Variants in ANO5 observed in about 807,000 individuals in gnomAD.
ANO5 encodes the protein anoctamin-5.
In ANO5, 109 loss-of-function variants were observed where a neutral mutation model predicts 121.0. The observed-to-expected ratio is 0.90, with a 90% CI of 0.77 to 1.06. The LOEUF is 1.06. ANO5 is among the 50% of genes least tolerant of loss of function. The pLI is 0.00. For missense variants in ANO5, 1,064 were observed against 1,078.5 expected (o/e 0.99, Z 0.19); for synonymous variants, 406 against 359.9 (o/e 1.13, Z -1.45).
At chr11:22,216,944 C>G (rs1852465548) in intron 3 of ANO5, among the ~76,000 whole-genome samples, 2 of 151,694 alleles carry the variant, frequency 1.3e-5, no homozygotes, top group Non-Finnish European at 2.9e-5. Flanking sequence ...AAAATAGTAA[C>G]CTGTGAATCT....
intron 18 of ANO5, among the ~76,000 whole-genome samples, chr11:22,271,581 C>T (rs1854613436): frequency 1.3e-5 from 2 of 152,096 alleles, no homozygotes; most frequent in Non-Finnish European, 2.9e-5. Context: ...AATGAGTTTG[C>T]ACATATGTAC....
At position 22,211,251 on chromosome 11, in the gene ANO5, C is replaced by T. The variant is rs1229411950; in HGVS notation, c.88-13C>T. The T allele has an allele frequency of 1.2e-6, 2 of 1,611,654 alleles. No individual in the cohort carries two copies. Among genetic ancestry groups the T allele is most frequent in the Non-Finnish European group, 1.7e-6 (2 of 1,178,274 alleles). On this transcript the variant is annotated splice_polypyrimidine_tract_variant and intron_variant, in intron 2 of 21. Transcript: ENST00000324559. ...ATTAATAATAGCATTATATCTTCCC[C>T]TGGTACTGTTAGCAGAGCCTGAGCA...
At chr11:22,224,456 G>A (rs970401062) in intron 5 of ANO5, among the ~76,000 whole-genome samples, 13 of 151,992 alleles carry the variant, frequency 8.6e-5, no homozygotes, top group African/African-American at 3.1e-4. Flanking sequence ...TGACAAAGGG[G>A]CCAAGTGCAT....
intron 2 of ANO5, among the ~76,000 whole-genome samples, chr11:22,208,556 G>A (rs1852187285): frequency 6.6e-6 from 1 of 151,976 alleles, no homozygotes; most frequent in South Asian, 2.1e-4. Flanking sequence ...ATTTAAAAGG[G>A]TAGCATGAGG....
At chr11:22,273,120 G>C in intron 19 of ANO5, 131 bp downstream of exon 19, 3 of 972,684 alleles carry the variant, frequency 3.1e-6, no homozygotes, top group East Asian at 2.5e-5. Context: ...TTCCGAAATT[G>C]TTATGCGCTA....
At chr11:22,271,461 A>C (rs1358218579) in intron 18 of ANO5, among the ~76,000 whole-genome samples, 1 of 152,248 alleles carries the variant, frequency 6.6e-6, no homozygotes, top group African/African-American at 2.4e-5. Flanking sequence ...ACATGGATTG[A>C]AATATAAATT....
At chr11:22,206,264 T>C (rs567284952) in intron 2 of ANO5, among the ~76,000 whole-genome samples, 2 of 152,048 alleles carry the variant, frequency 1.3e-5, no homozygotes, top group East Asian at 1.9e-4. Context: ...TAAAAATAAT[T>C]ATGCAACATG....
chr11:22,249,048 C>T (rs1216345338), intron 9 of ANO5, among the ~76,000 whole-genome samples: 3 of 151,796 alleles, frequency 2.0e-5, no homozygotes, highest in South Asian at 2.1e-4. Context: ...GGCAGATTAG[C>T]AAGGGAATAT....
At chr11:22,219,674 T>C (rs1353626259) in intron 4 of ANO5, among the ~76,000 whole-genome samples, 2 of 152,024 alleles carry the variant, frequency 1.3e-5, no homozygotes, top group South Asian at 2.1e-4. Flanking sequence ...TGATGATTTA[T>C]AAGAGTGCCA....
At chr11:22,211,931 G>A (rs1407261497) in intron 3 of ANO5, among the ~76,000 whole-genome samples, 1 of 151,552 alleles carries the variant, frequency 6.6e-6, no homozygotes, top group East Asian at 1.9e-4. Flanking sequence ...TTGGAATGAG[G>A]ATTGTGATAT....
chr11:22,211,651 T>A (rs571398212), intron 3 of ANO5, among the ~76,000 whole-genome samples: 2 of 152,116 alleles, frequency 1.3e-5, no homozygotes, highest in East Asian at 3.9e-4. Flanking sequence ...TTTCTGAGGC[T>A]TACTTAGTTC....
chr11:22,244,868 C>G (rs1405106939), intron 9 of ANO5, among the ~76,000 whole-genome samples: 1 of 152,074 alleles, frequency 6.6e-6, no homozygotes, highest in African/African-American at 2.4e-5. Flanking sequence ...AATTGTATGT[C>G]TGTCATTTCT....
intron 9 of ANO5, among the ~76,000 whole-genome samples, chr11:22,247,336 G>A (rs1853660271): frequency 6.6e-6 from 1 of 152,102 alleles, no homozygotes; most frequent in East Asian, 1.9e-4. Context: ...ATGAAGCTTT[G>A]AAGGAAGAAA....
intron 4 of ANO5, among the ~76,000 whole-genome samples, chr11:22,219,432 G>A (rs1013328573): frequency 1.2e-4 from 18 of 151,990 alleles, no homozygotes; most frequent in African/African-American, 4.1e-4. Context: ...CCCAGATTTA[G>A]CTTATGTAAA....
chr11:22,279,824 A>AGGGCCAGACGCCAGAAGCCATG lies in ANO5; in HGVS notation c.*60_*81dup, dbSNP rs1466312267. The stretch of plus-strand genomic sequence containing the variant: ...TTACTTCACTTTATCCTCTGGTTTT[A>AGGGCCAGACGCCAGAAGCCATG]GGGCCAGACGCCAGAAGCCATGTGT... On this transcript the variant is annotated 3_prime_UTR_variant, in exon 22 of 22. Transcript: ENST00000324559. The AGGGCCAGACGCCAGAAGCCATG allele has an allele frequency of 2.1e-6, 3 of 1,411,010 alleles. No individual in the cohort carries two copies. Among genetic ancestry groups the AGGGCCAGACGCCAGAAGCCATG allele is most frequent in the Admixed American group, 3.5e-5 (2 of 57,578 alleles). The allele number at this position is 1,411,010 out of a possible 1,614,324, so 87.4% of individuals were successfully genotyped here.
In ANO5 at chr11:22,274,764, T is replaced by C. The variant is rs913179711; in HGVS notation, c.2414+17T>C. 3 of 1,611,994 alleles carry C rather than the reference T, an allele frequency of 1.9e-6. No individual in the cohort carries two copies. The highest frequency in any genetic ancestry group is 2.5e-6 in the Non-Finnish European group (3 of 1,179,090). ...CACTTGCAGGTGATTTGTTTGTTTG[T>C]TTGTTTAGGTTTTAGTTTTATCCCT... is the stretch of plus-strand genomic sequence containing the variant. On this transcript the variant is annotated intron_variant, in intron 20 of 21. Coordinates refer to ENST00000324559, the MANE Select transcript of ANO5 (RefSeq NM_213599.3).
chr11:22,216,590 G>A (rs778902874), intron 3 of ANO5, among the ~76,000 whole-genome samples: 2 of 151,740 alleles, frequency 1.3e-5, no homozygotes, highest in South Asian at 2.1e-4. Context: ...TTCTGGATGC[G>A]AGACCATTGT....
intron 6 of ANO5, 90 bp from the exon 7 acceptor site, chr11:22,227,212 A>G (rs1852867593): frequency 6.5e-7 from 1 of 1,530,276 alleles, no homozygotes. Flanking sequence ...TGTGTTTGAG[A>G]TTTTATAAAA....
chr11:22,230,283 C>CATCT (rs1852997320), intron 7 of ANO5, among the ~76,000 whole-genome samples: 1 of 151,816 alleles, frequency 6.6e-6, no homozygotes, highest in Non-Finnish European at 1.5e-5. Flanking sequence ...AAATAAGATA[C>CATCT]ATCTAATCAT....
Sources: gnomAD v4.1 joint callset for allele counts (sites outside exome capture counted in the v4.1 genomes callset) on GRCh38, gnomAD v4.1.1 for gene constraint, MANE v1.5 for transcripts, NCBI Gene and HGNC (gene_info 2026-07-23, HGNC 2026-07-21) for gene names.